DACH1: variants seen among roughly 807,000 people sequenced by gnomAD.
DACH1 encodes the protein dachshund family transcription factor 1.
A neutral mutation model predicts 54.2 loss-of-function variants in DACH1; 12 were observed. The observed-to-expected ratio is 0.22, with a 90% CI of 0.14 to 0.36. DACH1 has a LOEUF of 0.36. Among genes scored for constraint, DACH1 ranks in the 10% least tolerant of loss-of-function variants. The pLI, the probability that DACH1 is intolerant of heterozygous loss-of-function variation, is 1.00. For missense variants in DACH1, 805 were observed against 929.8 expected (o/e 0.87, Z 1.75); for synonymous variants, 386 against 366.2 (o/e 1.05, Z -0.62).
At chr13:71,546,994 C>T (rs1325623257) in intron 6 of DACH1, among the ~76,000 whole-genome samples, 1 of 151,994 alleles carries the variant, frequency 6.6e-6, no homozygotes, top group Non-Finnish European at 1.5e-5. Context: ...TGCATAAACC[C>T]TTGCGTGTTA....
chr13:71,841,619 T>C (rs1346850944), intron 1 of DACH1, among the ~76,000 whole-genome samples: 2 of 152,178 alleles, frequency 1.3e-5, no homozygotes, highest in African/African-American at 4.8e-5. Flanking sequence ...TTCTTGATGG[T>C]GGTTGTCCCA....
intron 10 of DACH1, among the ~76,000 whole-genome samples, chr13:71,465,344 G>T (rs561156739): frequency 6.6e-6 from 1 of 151,780 alleles, no homozygotes; most frequent in African/African-American, 2.4e-5. Context: ...AATATTTTCA[G>T]ATCACTTTTA....
intron 3 of DACH1, among the ~76,000 whole-genome samples, chr13:71,612,684 AAAGAAT>A (rs1195269337): frequency 2.6e-5 from 4 of 152,212 alleles, no homozygotes; most frequent in Non-Finnish European, 4.4e-5. Context: ...GATTAAATGA[AAAGAAT>A]AAGTAAATGT....
At chr13:71,602,104 T>C (rs1208567770) in intron 3 of DACH1, among the ~76,000 whole-genome samples, 1 of 151,996 alleles carries the variant, frequency 6.6e-6, no homozygotes, top group Non-Finnish European at 1.5e-5. Flanking sequence ...GCTGGCTACA[T>C]TGAGCTAATT....
chr13:71,636,873 A>C (rs1377673993), intron 2 of DACH1, among the ~76,000 whole-genome samples: 1 of 152,190 alleles, frequency 6.6e-6, no homozygotes, highest in Non-Finnish European at 1.5e-5. Flanking sequence ...TCATATTACT[A>C]TCTGAATTAT....
chr13:71,660,488 C>T (rs1879415968), intron 2 of DACH1, among the ~76,000 whole-genome samples: 1 of 151,898 alleles, frequency 6.6e-6, no homozygotes, highest in Non-Finnish European at 1.5e-5. Context: ...ATAAAGTAAG[C>T]AAATGTATTG....
At chr13:71,683,722 T>A (rs1364966884) in intron 1 of DACH1, among the ~76,000 whole-genome samples, 1 of 152,172 alleles carries the variant, frequency 6.6e-6, no homozygotes, top group Non-Finnish European at 1.5e-5. Context: ...TTAACTCTTG[T>A]TTAGTTGTCT....
intron 3 of DACH1, among the ~76,000 whole-genome samples, chr13:71,574,236 T>C (rs1885397972): frequency 6.6e-6 from 1 of 152,140 alleles, no homozygotes; most frequent in Admixed American, 6.5e-5. Context: ...GATCATGAAA[T>C]ACCTTATTAG....
At chr13:71,681,209 G>A (rs1474046006) in intron 2 of DACH1, among the ~76,000 whole-genome samples, 1 of 152,100 alleles carries the variant, frequency 6.6e-6, no homozygotes, top group Non-Finnish European at 1.5e-5. Context: ...TTGCTCCAGT[G>A]CATTATGAAA....
At chr13:71,787,573 C>T (rs1181295616) in intron 1 of DACH1, among the ~76,000 whole-genome samples, 1 of 152,114 alleles carries the variant, frequency 6.6e-6, no homozygotes, top group Non-Finnish European at 1.5e-5. Context: ...GATGTAGCCT[C>T]GCTTCGCTTG....
intron 4 of DACH1, among the ~76,000 whole-genome samples, chr13:71,566,567 G>A (rs1884905378): frequency 6.6e-6 from 1 of 151,890 alleles, no homozygotes; most frequent in South Asian, 2.1e-4. Context: ...AGCCTTTATT[G>A]TCCTTTAAAA....
At chr13:71,748,512 T>C (rs944757337) in intron 1 of DACH1, among the ~76,000 whole-genome samples, 6 of 152,182 alleles carry the variant, frequency 3.9e-5, no homozygotes, top group Admixed American at 1.3e-4. Context: ...GATATTCCTG[T>C]TGCTTATTTT....
chr13:71,571,333 C>T (rs1391530979), intron 4 of DACH1, among the ~76,000 whole-genome samples: 1 of 152,132 alleles, frequency 6.6e-6, no homozygotes, highest in Non-Finnish European at 1.5e-5. Flanking sequence ...CTCCGCCAAA[C>T]TCCTCTTCTA....
intron 1 of DACH1, among the ~76,000 whole-genome samples, chr13:71,770,567 A>C (rs1383631335): frequency 6.6e-6 from 1 of 151,658 alleles, no homozygotes; most frequent in Non-Finnish European, 1.5e-5. Context: ...ATTAATTTTT[A>C]TGTATGCTCT....
At chr13:71,851,733 T>C (rs933844950) in intron 1 of DACH1, among the ~76,000 whole-genome samples, 1 of 152,172 alleles carries the variant, frequency 6.6e-6, no homozygotes. Flanking sequence ...TCAATACTGA[T>C]GAGCATAGCA....
chr13:71,552,832 TATATATATATAGAGAGAGAGAGAGAG>T (rs1386100272), intron 6 of DACH1, among the ~76,000 whole-genome samples: 14 of 38,794 alleles, frequency 3.6e-4, no homozygotes, highest in African/African-American at 1.3e-3. Context: ...TATATATATA[TATATATATATAGAGAGAGAGAGAGAG>T]AGAGAGAGAG....
At chr13:71,533,585 A>G (rs780072321) in intron 6 of DACH1, among the ~76,000 whole-genome samples, 1 of 152,044 alleles carries the variant, frequency 6.6e-6, no homozygotes, top group Non-Finnish European at 1.5e-5. Context: ...TCTTTTCTTC[A>G]GTACCTTTTC....
chr13:71,750,555 C>T (rs1884879621), intron 1 of DACH1, among the ~76,000 whole-genome samples: 1 of 152,084 alleles, frequency 6.6e-6, no homozygotes, highest in Admixed American at 6.6e-5. Flanking sequence ...TTTAATATTG[C>T]TTTAAAGTGC....
At chr13:71,816,923 G>A (rs1887985183) in intron 1 of DACH1, among the ~76,000 whole-genome samples, 1 of 151,994 alleles carries the variant, frequency 6.6e-6, no homozygotes. Context: ...TGGAGGGTGG[G>A]AGGAGGTAGA....
Sources: gnomAD v4.1 joint callset for allele counts (sites outside exome capture counted in the v4.1 genomes callset) on GRCh38, gnomAD v4.1.1 for gene constraint, MANE v1.5 for transcripts, NCBI Gene and HGNC (gene_info 2026-07-23, HGNC 2026-07-21) for gene names.